SLC2A13: variants seen among roughly 807,000 people sequenced by gnomAD.
SLC2A13 encodes the protein proton myo-inositol cotransporter.
In SLC2A13, 32 loss-of-function variants were observed where a neutral mutation model predicts 64.4. That is an observed-to-expected ratio of 0.50 (90% CI 0.37 to 0.67). The LOEUF is 0.67. Ranked by LOEUF, SLC2A13 falls within the 30% of genes least tolerant of loss-of-function variation. The probability of loss-of-function intolerance (pLI) is 0.00; values close to 1 mark genes in which losing one functional copy is unlikely to be tolerated. For synonymous variants in SLC2A13, 338 were observed against 327.1 expected (o/e 1.03, Z -0.36); for missense variants, 743 against 829.2 (o/e 0.90, Z 1.28).
chr12:39,922,797 C>A (rs1945637539), intron 4 of SLC2A13, among the ~76,000 whole-genome samples: 1 of 150,884 alleles, frequency 6.6e-6, no homozygotes, highest in South Asian at 2.1e-4. Flanking sequence ...TCTTACAAAA[C>A]TAGCTTGCAA....
intron 3 of SLC2A13, among the ~76,000 whole-genome samples, chr12:40,019,560 T>C (rs1266086273): frequency 1.3e-5 from 2 of 152,148 alleles, no homozygotes; most frequent in African/African-American, 4.8e-5. Flanking sequence ...TGTTTTAGGA[T>C]TGTTTTAAGA....
chr12:39,834,834 A>C (rs1339117198), intron 6 of SLC2A13, among the ~76,000 whole-genome samples: 1 of 152,046 alleles, frequency 6.6e-6, no homozygotes, highest in Non-Finnish European at 1.5e-5. Flanking sequence ...AAGATTCCCA[A>C]CTTCAACTTG....
intron 3 of SLC2A13, among the ~76,000 whole-genome samples, chr12:39,981,087 C>A (rs1382176287): frequency 1.2e-4 from 18 of 151,640 alleles, no homozygotes; most frequent in Admixed American, 7.9e-4. Flanking sequence ...GGGTACATAA[C>A]GAAATGAAGG....
At chr12:39,924,254 AAGCTGAAGAGATACAC>A (rs1446768067) in intron 4 of SLC2A13, among the ~76,000 whole-genome samples, 1 of 152,182 alleles carries the variant, frequency 6.6e-6, no homozygotes, top group Non-Finnish European at 1.5e-5. Flanking sequence ...TACTAAATTT[AAGCTGAAGAGATACAC>A]AGGTTGTTGT....
chr12:39,843,798 T>G (rs1384871836), intron 6 of SLC2A13, among the ~76,000 whole-genome samples: 1 of 152,024 alleles, frequency 6.6e-6, no homozygotes, highest in Non-Finnish European at 1.5e-5. Flanking sequence ...CACAAAGATT[T>G]TGTTATTGTT....
At chr12:39,938,441 C>T (rs372540847) in intron 4 of SLC2A13, among the ~76,000 whole-genome samples, 127 of 151,372 alleles carry the variant, frequency 8.4e-4, no homozygotes, top group African/African-American at 3.0e-3. Context: ...TGTTTGTGTC[C>T]CCTTCAATCC....
At chr12:40,092,515 T>C (rs532223438) in intron 1 of SLC2A13, among the ~76,000 whole-genome samples, 1 of 152,326 alleles carries the variant, frequency 6.6e-6, no homozygotes, top group African/African-American at 2.4e-5. Context: ...TAGAAATTTA[T>C]CACATCATTA....
At chr12:39,936,013 A>G (rs1191959427) in intron 4 of SLC2A13, among the ~76,000 whole-genome samples, 1 of 152,226 alleles carries the variant, frequency 6.6e-6, no homozygotes, top group African/African-American at 2.4e-5. Context: ...AGCAGTGCAA[A>G]GATGGGCAAA....
At chr12:39,974,680 G>A (rs573168293) in intron 3 of SLC2A13, among the ~76,000 whole-genome samples, 5 of 152,210 alleles carry the variant, frequency 3.3e-5, no homozygotes, top group South Asian at 2.1e-4. Flanking sequence ...TTAAAATATC[G>A]TATTATGTAG....
chr12:39,901,969 T>G (rs1474532865), intron 4 of SLC2A13, among the ~76,000 whole-genome samples: 1 of 152,102 alleles, frequency 6.6e-6, no homozygotes, highest in South Asian at 2.1e-4. Flanking sequence ...TAGACTGGAT[T>G]AAGAAAATGT....
rs1038345389 is a variant in SLC2A13, at chr12:39,854,924, C to T, written c.1319+9838G>A. ...CTCACCATTGAAAAATCAGATCAAG[C>T]TCCCTCCTCTGTGACGGGTCCTTAA... On this transcript the variant is annotated intron_variant, in intron 6 of 9. Coordinates refer to ENST00000280871, the MANE Select transcript of SLC2A13 (RefSeq NM_052885.4). Among the ~76,000 whole-genome samples, 6 of 152,194 alleles carry T rather than the reference C, an allele frequency of 3.9e-5. No individual in the cohort carries two copies. In the South Asian group the frequency reaches 8.3e-4, roughly 21 times the overall value.
In SLC2A13 at chr12:40,095,894, A is replaced by T. The variant is rs553858351; in HGVS notation, c.556+9359T>A. Among the ~76,000 whole-genome samples, 4 of 152,300 alleles carry T rather than the reference A, an allele frequency of 2.6e-5. No individual in the cohort carries two copies. The East Asian group carries it at 7.7e-4, about 29-fold the overall frequency. On this transcript the variant is annotated intron_variant, in intron 1 of 9. Transcript: ENST00000280871. The stretch of plus-strand genomic sequence containing the variant: ...AGAAAATCATATTTTCCTAGGGAAC[A>T]ACTTAGCCTGAGTTTTGCTTAGTTT...
chr12:39,771,147 T>C (rs1258856816), intron 7 of SLC2A13, among the ~76,000 whole-genome samples: 1 of 152,200 alleles, frequency 6.6e-6, no homozygotes, highest in African/African-American at 2.4e-5. Context: ...TCCGAGTGTG[T>C]GTCCCATCAC....
At chr12:39,768,944 T>C (rs1047551177) in intron 7 of SLC2A13, among the ~76,000 whole-genome samples, 2 of 152,082 alleles carry the variant, frequency 1.3e-5, no homozygotes, top group African/African-American at 2.4e-5. Context: ...ATGAAGTATA[T>C]ACTGTCTTCA....
chr12:39,764,385 A>T, intron 9 of SLC2A13, 75 bp downstream of exon 9: 1 of 1,286,050 alleles, frequency 7.8e-7, no homozygotes, highest in Non-Finnish European at 1.0e-6. Flanking sequence ...TCTCAATCAC[A>T]AATGATATTA....
intron 3 of SLC2A13, among the ~76,000 whole-genome samples, chr12:40,023,846 G>A (rs899144467): frequency 8.5e-5 from 13 of 152,296 alleles, no homozygotes; most frequent in Admixed American, 3.3e-4. Context: ...GTTCCATGAA[G>A]CCAATGAATG....
chr12:39,761,908 A>G (rs1021946275), intron 9 of SLC2A13, among the ~76,000 whole-genome samples: 4 of 152,088 alleles, frequency 2.6e-5, no homozygotes, highest in East Asian at 3.9e-4. Context: ...GAACAGTAGC[A>G]TAATTAGAAG....
At chr12:39,769,521 G>A (rs1279800878) in intron 7 of SLC2A13, among the ~76,000 whole-genome samples, 2 of 113,066 alleles carry the variant, frequency 1.8e-5, no homozygotes, top group Non-Finnish European at 3.6e-5. Flanking sequence ...TTTGAGAAAA[G>A]AAAGTTTTTT....
intron 9 of SLC2A13, among the ~76,000 whole-genome samples, chr12:39,763,079 T>C (rs979280716): frequency 1.3e-5 from 2 of 152,046 alleles, no homozygotes; most frequent in African/African-American, 4.8e-5. Flanking sequence ...TTAAGTGTTC[T>C]CTAGAATCAG....
Sources: gnomAD v4.1 joint callset for allele counts (sites outside exome capture counted in the v4.1 genomes callset) on GRCh38, gnomAD v4.1.1 for gene constraint, MANE v1.5 for transcripts, NCBI Gene and HGNC (gene_info 2026-07-23, HGNC 2026-07-21) for gene names.